The following GRID1 variants were observed in gnomAD, a reference collection of about 807,000 sequenced individuals.
GRID1 encodes glutamate receptor ionotropic, delta-1.
A neutral mutation model predicts 98.0 loss-of-function variants in GRID1; 28 were observed. The ratio of observed to expected loss-of-function variants is 0.29; its 90% CI spans 0.21 to 0.39. The LOEUF (loss-of-function observed/expected upper bound fraction) is 0.39, where lower values mean the gene tolerates loss of function less well. Among genes scored for constraint, GRID1 ranks in the 10% least tolerant of loss-of-function variants. GRID1 has a pLI of 1.00. For missense variants in GRID1, 1,111 were observed against 1,340.5 expected (o/e 0.83, Z 2.67); for synonymous variants, 553 against 538.5 (o/e 1.03, Z -0.37).
intron 8 of GRID1, among the ~76,000 whole-genome samples, chr10:85,750,802 C>G (rs1842039166): frequency 6.6e-6 from 1 of 152,040 alleles, no homozygotes; most frequent in Admixed American, 6.5e-5. Context: ...AGATGATCAT[C>G]AGAGAACTAA....
At chr10:86,046,890 C>T (rs1025400165) in intron 4 of GRID1, among the ~76,000 whole-genome samples, 6 of 147,554 alleles carry the variant, frequency 4.1e-5, no homozygotes, top group Non-Finnish European at 9.0e-5. Context: ...AAGACAGAGA[C>T]TCAGAGAGAT....
chr10:86,124,412 A>T (rs1047094344), intron 4 of GRID1, among the ~76,000 whole-genome samples: 1 of 152,176 alleles, frequency 6.6e-6, no homozygotes, highest in Non-Finnish European at 1.5e-5. Flanking sequence ...TCAGGACCAC[A>T]TGACATTCCA....
At chr10:86,025,095 T>A (rs529693060) in intron 4 of GRID1, among the ~76,000 whole-genome samples, 3 of 152,290 alleles carry the variant, frequency 2.0e-5, no homozygotes. Flanking sequence ...TGTCCCCATG[T>A]GGCCAGAATA....
chr10:85,801,101 T>C (rs1371277993), intron 8 of GRID1, among the ~76,000 whole-genome samples: 3 of 152,020 alleles, frequency 2.0e-5, no homozygotes, highest in African/African-American at 7.2e-5. Context: ...GAGTAAAAAC[T>C]AAAATATGAG....
chr10:86,057,406 G>A (rs1278123370), intron 4 of GRID1, among the ~76,000 whole-genome samples: 9 of 152,200 alleles, frequency 5.9e-5, no homozygotes, highest in Non-Finnish European at 1.2e-4. Flanking sequence ...GCAATGGCCA[G>A]ACATGGCCTG....
chr10:85,853,014 T>C (rs1413033278), intron 8 of GRID1, among the ~76,000 whole-genome samples: 1 of 152,226 alleles, frequency 6.6e-6, no homozygotes, highest in Non-Finnish European at 1.5e-5. Context: ...GACCAATCCA[T>C]GACTCTCTCC....
At chr10:86,094,864 C>T (rs907642188) in intron 4 of GRID1, among the ~76,000 whole-genome samples, 2 of 151,478 alleles carry the variant, frequency 1.3e-5, no homozygotes, top group African/African-American at 4.9e-5. Context: ...TCATGTGGAA[C>T]CAAAAAAGAG....
intron 4 of GRID1, among the ~76,000 whole-genome samples, chr10:85,935,308 A>C (rs1841912085): frequency 2.0e-5 from 3 of 152,222 alleles, no homozygotes; most frequent in South Asian, 2.1e-4. Context: ...AGGCAGGGTG[A>C]GAGGTCACCT....
chr10:85,697,707 T>G (rs1444655086), intron 12 of GRID1, among the ~76,000 whole-genome samples: 2 of 152,222 alleles, frequency 1.3e-5, no homozygotes, highest in Non-Finnish European at 2.9e-5. Flanking sequence ...AGGCAAGAAC[T>G]GATATGTAGC....
In GRID1 at chr10:86,230,626, C is replaced by A. The variant is rs371267342; in HGVS notation, c.236-23978G>T. Among the ~76,000 whole-genome samples, 88 of 152,352 alleles carry A rather than the reference C, an allele frequency of 5.8e-4. 1 individual carries two copies. In the South Asian group the frequency reaches 0.018, roughly 30 times the overall value. ...CCACTGTTCCCTGAACACATGTCAC[C>A]TTTCAACATTTTGTACTTTTGCATA... is the stretch of plus-strand genomic sequence containing the variant. On this transcript the variant is annotated intron_variant, in intron 2 of 15. Transcript: ENST00000327946.
Position 86,188,014 on chromosome 10 carries a change from C to T in GRID1, c.520+18350G>A, listed in dbSNP as rs565369403. 7.9e-5 allele frequency among the ~76,000 whole-genome samples: 12 copies of T among 152,316 alleles called. No individual in the cohort carries two copies. The East Asian group carries it at 2.3e-3, about 29-fold the overall frequency. On this transcript the variant is annotated intron_variant, in intron 3 of 15. Coordinates refer to ENST00000327946, the MANE Select transcript of GRID1 (RefSeq NM_017551.3). ...GTGAAGACTCCAGGAGGACTCCAGG[C>T]CTTTGCCCTGCCCTGCCCTGTCCAT...
intron 2 of GRID1, among the ~76,000 whole-genome samples, chr10:86,333,254 C>T (rs4454627): frequency 0.67 from 102,737 of 152,204 alleles, 37,155 homozygotes; most frequent in Non-Finnish European, 0.82. Flanking sequence ...AACTCCTATC[C>T]ACATTTCAAA....
intron 2 of GRID1, among the ~76,000 whole-genome samples, chr10:86,270,688 T>A (rs1009858801): frequency 2.0e-5 from 3 of 151,874 alleles, no homozygotes; most frequent in Admixed American, 6.6e-5. Flanking sequence ...AGACTCCGTC[T>A]CAAAAAATAA....
intron 2 of GRID1, among the ~76,000 whole-genome samples, chr10:86,338,617 G>A (rs564594618): frequency 6.6e-6 from 1 of 152,262 alleles, no homozygotes; most frequent in South Asian, 2.1e-4. Flanking sequence ...GAGTTCAGTG[G>A]CGCAATCTCG....
At chr10:86,355,488 TG>T (rs1190463443) in intron 2 of GRID1, among the ~76,000 whole-genome samples, 1 of 152,214 alleles carries the variant, frequency 6.6e-6, no homozygotes, top group Non-Finnish European at 1.5e-5. Flanking sequence ...AGGGGCAGCC[TG>T]GGCTCAGGAC....
At chr10:85,681,819 C>T (rs1469698297) in intron 12 of GRID1, among the ~76,000 whole-genome samples, 2 of 152,118 alleles carry the variant, frequency 1.3e-5, no homozygotes, top group Admixed American at 6.5e-5. Context: ...CAGTATATGG[C>T]CTGCCCTCCC....
intron 2 of GRID1, among the ~76,000 whole-genome samples, chr10:86,212,139 G>A (rs904799721): frequency 1.3e-5 from 2 of 152,184 alleles, no homozygotes; most frequent in Non-Finnish European, 2.9e-5. Context: ...CAAGGCTGTG[G>A]GAAGCAATAC....
intron 2 of GRID1, among the ~76,000 whole-genome samples, chr10:86,363,035 G>C (rs1414777874): frequency 3.9e-5 from 6 of 152,288 alleles, no homozygotes; most frequent in Admixed American, 6.5e-5. Context: ...ACTTAAGCCG[G>C]GTAAGTGTCA....
At chr10:85,968,752 A>G (rs1011777487) in intron 4 of GRID1, among the ~76,000 whole-genome samples, 5 of 152,214 alleles carry the variant, frequency 3.3e-5, no homozygotes, top group Non-Finnish European at 5.9e-5. Flanking sequence ...GAAAATATAT[A>G]TTGAATGCAA....
Sources: gnomAD v4.1 joint callset for allele counts (sites outside exome capture counted in the v4.1 genomes callset) on GRCh38, gnomAD v4.1.1 for gene constraint, MANE v1.5 for transcripts, NCBI Gene and HGNC (gene_info 2026-07-23, HGNC 2026-07-21) for gene names.